PSMD1: variants seen among roughly 807,000 people sequenced by gnomAD.
PSMD1 encodes proteasome 26S subunit, non-ATPase 1.
A neutral mutation model predicts 119.0 loss-of-function variants in PSMD1; 18 were observed. That is an observed-to-expected ratio of 0.15 (90% CI 0.10 to 0.22). PSMD1 has a LOEUF of 0.22. Ranked by LOEUF, PSMD1 falls within the 10% of genes least tolerant of loss-of-function variation. The pLI is 1.00. For synonymous variants in PSMD1, 374 were observed against 396.6 expected (o/e 0.94, Z 0.68); for missense variants, 702 against 1,158.5 (o/e 0.61, Z 5.72).
Position 231,170,394 on chromosome 2 carries a change from CA to C in PSMD1, c.2716-169del. On this transcript the variant is annotated intron_variant, in intron 23 of 24. Coordinates refer to ENST00000308696, the MANE Select transcript of PSMD1 (RefSeq NM_002807.4). This position sits in a 1 kb window ranked among gnomAD's most constrained non-coding sequence, Gnocchi z 4.1. The stretch of plus-strand genomic sequence containing the variant: ...ATCTAGAGCTACTGGGTTAAGTTTG[CA>C]AATACTTCGTATAGATCACAGTTAT... 3.3e-6 allele frequency: 2 copies of C among 614,616 alleles called. No homozygotes were observed. The highest frequency in any genetic ancestry group is 5.0e-6 in the Non-Finnish European group (2 of 399,134). 38.1% of individuals were successfully genotyped at this position (614,616 alleles called of 1,614,324 possible).
intron 16 of PSMD1, chr2:231,123,871 A>G (rs1457619354): frequency 1.1e-6 from 1 of 907,546 alleles, no homozygotes; most frequent in Non-Finnish European, 1.8e-6. Flanking sequence ...CCAAACACTC[A>G]AAAGCCAAAG....
At chr2:231,087,758 C>T (rs1216847582) in intron 16 of PSMD1, among the ~76,000 whole-genome samples, 5 of 152,140 alleles carry the variant, frequency 3.3e-5, no homozygotes, top group East Asian at 1.9e-4. Context: ...GTCAGGAGTT[C>T]GAGATCACCC....
chr2:231,075,472 C>A, intron 7 of PSMD1, 39 bp from the exon 8 acceptor site: 1 of 1,588,728 alleles, frequency 6.3e-7, no homozygotes, highest in Non-Finnish European at 8.6e-7. Context: ...ACAAATTGTA[C>A]TTCTCTTCAG....
chr2:231,066,771 A>C, intron 4 of PSMD1, 135 bp from the exon 5 acceptor site: 1 of 635,790 alleles, frequency 1.6e-6, no homozygotes, highest in Non-Finnish European at 2.6e-6. Flanking sequence ...CAAATGCATA[A>C]GTTCTAGCAT....
intron 17 of PSMD1, chr2:231,139,129 TTTTG>T (rs1481892131): frequency 2.1e-5 from 9 of 434,706 alleles, no homozygotes; most frequent in East Asian, 9.8e-5. Context: ...TTTTTGTTTT[TTTTG>T]TTTGTTTATT....
intron 16 of PSMD1, among the ~76,000 whole-genome samples, chr2:231,103,562 C>T (rs1694917726): frequency 6.6e-6 from 1 of 152,152 alleles, no homozygotes; most frequent in Non-Finnish European, 1.5e-5. Flanking sequence ...CTTCTTGAAC[C>T]CTATCTCTTC....
chr2:231,083,426 T>A, intron 13 of PSMD1, 141 bp from the exon 14 acceptor site: 1 of 791,726 alleles, frequency 1.3e-6, no homozygotes, highest in South Asian at 1.8e-5. Flanking sequence ...GTATCCTTTT[T>A]ACCAGGTGGT....
intron 16 of PSMD1, chr2:231,108,115 A>G (rs568275085): frequency 8.8e-5 from 20 of 228,458 alleles, no homozygotes; most frequent in Admixed American, 8.4e-4. Flanking sequence ...GTTCTGTATC[A>G]TGCCTTATGC....
At chr2:231,057,290 G>GCC (rs1250794387) in intron 1 of PSMD1, among the ~76,000 whole-genome samples, 2 of 152,140 alleles carry the variant, frequency 1.3e-5, no homozygotes, top group Admixed American at 6.5e-5. Flanking sequence ...CCAGCGCCAG[G>GCC]ACCCGAGGGG....
intron 16 of PSMD1, chr2:231,108,356 G>T (rs1386244774): frequency 4.9e-6 from 3 of 608,170 alleles, no homozygotes; most frequent in Non-Finnish European, 8.5e-6. Flanking sequence ...GAATAATCTT[G>T]TCCAAATTAG....
intron 16 of PSMD1, among the ~76,000 whole-genome samples, chr2:231,120,044 C>T (rs567912433): frequency 2.0e-5 from 3 of 151,136 alleles, no homozygotes; most frequent in East Asian, 4.0e-4. Context: ...CTCTGTCTTC[C>T]GGGTTCAAGC....
At chr2:231,130,197 A>G (rs1245506377) in intron 16 of PSMD1, among the ~76,000 whole-genome samples, 1 of 152,240 alleles carries the variant, frequency 6.6e-6, no homozygotes, top group Non-Finnish European at 1.5e-5. Context: ...AGTTCCTCAG[A>G]TTCCCACAAC....
At chr2:231,074,845 T>C (rs1171981125) in intron 7 of PSMD1, among the ~76,000 whole-genome samples, 1 of 152,212 alleles carries the variant, frequency 6.6e-6, no homozygotes, top group East Asian at 1.9e-4. Flanking sequence ...TGGGATCTCC[T>C]GACTCTGTTT....
chr2:231,170,983 G>A lies in PSMD1; in HGVS notation c.*9+262G>A, dbSNP rs1193651931. Among the ~76,000 whole-genome samples, 1 of 152,174 alleles carries A rather than the reference G, an allele frequency of 6.6e-6. No individual in the cohort carries two copies. Among genetic ancestry groups the A allele is most frequent in the East Asian group, 1.9e-4 (1 of 5,194 alleles). ...ATTTTTATAGGTCCATAAGGAGATA[G>A]GAAGCTTACTCCAGAATCTGTCTGC... On this transcript the variant is annotated intron_variant, in intron 24 of 24. Coordinates refer to ENST00000308696, the MANE Select transcript of PSMD1 (RefSeq NM_002807.4). This position sits in a 1 kb window ranked among gnomAD's most constrained non-coding sequence, Gnocchi z 4.1.
chr2:231,110,344 G>T (rs1454872100), intron 16 of PSMD1, among the ~76,000 whole-genome samples: 1 of 152,064 alleles, frequency 6.6e-6, no homozygotes. Flanking sequence ...TTTATGACCT[G>T]GGAAAGAAAT....
intron 14 of PSMD1, among the ~76,000 whole-genome samples, chr2:231,084,701 C>T (rs1026307512): frequency 6.6e-6 from 1 of 152,150 alleles, no homozygotes; most frequent in Non-Finnish European, 1.5e-5. Context: ...AGCCAACTTC[C>T]TTGCTTGATT....
chr2:231,079,425 A>T (rs574733039), intron 10 of PSMD1, 111 bp from the exon 11 acceptor site: 7 of 553,478 alleles, frequency 1.3e-5, no homozygotes, highest in Non-Finnish European at 2.2e-5. Context: ...TCCACAAAGT[A>T]ATTTGGAAGG....
chr2:231,077,819 T>A (rs1226784634), intron 9 of PSMD1, among the ~76,000 whole-genome samples: 2 of 152,230 alleles, frequency 1.3e-5, no homozygotes, highest in East Asian at 3.8e-4. Context: ...CATATATTAT[T>A]GAATGATTAA....
chr2:231,133,961 C>T (rs918913733), intron 16 of PSMD1, among the ~76,000 whole-genome samples: 2 of 152,138 alleles, frequency 1.3e-5, no homozygotes, highest in African/African-American at 4.8e-5. Context: ...GTAACATTGG[C>T]AAGATGACTG....
Sources: allele counts gnomAD v4.1 joint callset (sites outside exome capture counted in the v4.1 genomes callset), GRCh38; gene constraint gnomAD v4.1.1; non-coding constraint Gnocchi (gnomAD v3.1); transcripts MANE v1.5; gene names NCBI Gene and HGNC (gene_info 2026-07-23, HGNC 2026-07-21).